Variants in WDPCP observed in about 807,000 individuals in gnomAD.
WDPCP encodes the protein WD repeat-containing and planar cell polarity effector protein fritz homolog.
Under a neutral mutation model 93.1 loss-of-function variants are expected in WDPCP, and 71 were observed. The observed-to-expected ratio is 0.76, with a 90% CI of 0.63 to 0.93. WDPCP has a LOEUF of 0.93. WDPCP is among the 40% of genes least tolerant of loss of function. WDPCP has a pLI of 0.00. For synonymous variants in WDPCP, 315 were observed against 315.0 expected, an observed-to-expected ratio of 1.00 and a Z score of 0.00; for missense variants, 844 against 887.4, an observed-to-expected ratio of 0.95 and a Z score of 0.62.
Position 63,119,696 on chromosome 2 carries a change from C to A in WDPCP, c.*2310G>T, listed in dbSNP as rs1348513181. On this transcript the variant is annotated 3_prime_UTR_variant, in exon 18 of 18. Transcript: ENST00000272321. ...TCATGGGTCTATTCCTAAAGGACAA[C>A]CTGTGAACCTGTCAGTGCTAGGACA... 6.6e-6 allele frequency among the ~76,000 whole-genome samples: 1 copy of A among 152,158 alleles called. No homozygotes were observed. The highest frequency in any genetic ancestry group is 1.9e-4 in the East Asian group (1 of 5,190).
chr2:63,154,035 G>A (rs968214725), intron 15 of WDPCP, among the ~76,000 whole-genome samples: 1 of 151,628 alleles, frequency 6.6e-6, no homozygotes. Flanking sequence ...ATCCAGAGTT[G>A]TTCTCTGGAT....
At chr2:63,664,067 G>A (rs983110920) in intron 2 of WDPCP, among the ~76,000 whole-genome samples, 1 of 152,130 alleles carries the variant, frequency 6.6e-6, no homozygotes, top group Non-Finnish European at 1.5e-5. Flanking sequence ...TTAGGCACAT[G>A]TTTGTCTCAA....
chr2:63,457,060 AG>A (rs1050810887), intron 6 of WDPCP, among the ~76,000 whole-genome samples: 1 of 152,230 alleles, frequency 6.6e-6, no homozygotes, highest in African/African-American at 2.4e-5. Flanking sequence ...TTCTTCAAAA[AG>A]ACAAACAAAA....
intron 2 of WDPCP, among the ~76,000 whole-genome samples, chr2:63,489,980 T>C (rs900608661): frequency 6.6e-6 from 1 of 151,916 alleles, no homozygotes; most frequent in Non-Finnish European, 1.5e-5. Flanking sequence ...CACCACCTGA[T>C]AGGATGCATT....
At chr2:63,734,430 C>T (rs1669610528) in intron 2 of WDPCP, among the ~76,000 whole-genome samples, 1 of 147,050 alleles carries the variant, frequency 6.8e-6, no homozygotes, top group Admixed American at 6.7e-5. Flanking sequence ...GACCAGTTAT[C>T]TACATCTAAC....
In WDPCP at chr2:63,186,674, A is replaced by G. The variant is rs553614045; in HGVS notation, c.1916-11842T>C. On this transcript the variant is annotated intron_variant, in intron 14 of 17. Coordinates refer to ENST00000272321, the MANE Select transcript of WDPCP (RefSeq NM_015910.7). ...AATTTGCTCCTCTACCATATCGGGG[A>G]CTTCACTCACAGTTCTCAGCCAGAT... is the stretch of plus-strand genomic sequence containing the variant. Among the ~76,000 whole-genome samples, 26 of 152,302 alleles carry G rather than the reference A, an allele frequency of 1.7e-4. No individual in the cohort carries two copies. The South Asian group carries it at 5.4e-3, about 32-fold the overall frequency.
intron 12 of WDPCP, among the ~76,000 whole-genome samples, chr2:63,340,841 G>T (rs898335820): frequency 6.6e-6 from 1 of 152,020 alleles, no homozygotes; most frequent in Non-Finnish European, 1.5e-5. Flanking sequence ...AAGGCAGCTT[G>T]CATTTACACT....
chr2:63,476,967 G>T (rs1292664259), intron 6 of WDPCP, among the ~76,000 whole-genome samples: 2 of 152,158 alleles, frequency 1.3e-5, no homozygotes, highest in African/African-American at 4.8e-5. Context: ...GACCTTTTAT[G>T]ATTGTGCCTG....
intron 2 of WDPCP, among the ~76,000 whole-genome samples, chr2:63,806,507 T>C (rs1444868845): frequency 6.6e-6 from 1 of 152,206 alleles, no homozygotes. Flanking sequence ...ACCATTGTCA[T>C]TGATAACATC....
At chr2:63,531,642 A>G (rs1703858053) in intron 1 of WDPCP, among the ~76,000 whole-genome samples, 1 of 152,332 alleles carries the variant, frequency 6.6e-6, no homozygotes, top group Non-Finnish European at 1.5e-5. Context: ...TTAGAAGGAA[A>G]ACTAGCAAGC....
intron 2 of WDPCP, among the ~76,000 whole-genome samples, chr2:63,715,408 T>C (rs910140600): frequency 8.5e-5 from 13 of 152,224 alleles, no homozygotes; most frequent in African/African-American, 2.9e-4. Context: ...CTATAAGCCA[T>C]AGGTAGAGAA....
chr2:63,267,029 A>G (rs75600738), intron 13 of WDPCP, among the ~76,000 whole-genome samples: 20 of 152,268 alleles, frequency 1.3e-4, no homozygotes, highest in Non-Finnish European at 2.9e-4. Context: ...AGAGCCAACA[A>G]TCTTGCACAA....
chr2:63,689,352 G>C (rs1238578614), intron 2 of WDPCP, among the ~76,000 whole-genome samples: 2 of 152,150 alleles, frequency 1.3e-5, no homozygotes, highest in African/African-American at 4.8e-5. Flanking sequence ...CTTCAGAAAA[G>C]AAACTAAGCA....
chr2:63,297,993 T>C (rs902272927), intron 13 of WDPCP, among the ~76,000 whole-genome samples: 10 of 152,274 alleles, frequency 6.6e-5, no homozygotes, highest in African/African-American at 1.2e-4. Flanking sequence ...TTGTTGCCAC[T>C]TGGGGAGAAA....
intron 9 of WDPCP, among the ~76,000 whole-genome samples, chr2:63,426,557 CAT>C (rs1696313692): frequency 6.6e-6 from 1 of 152,116 alleles, no homozygotes; most frequent in South Asian, 2.1e-4. Context: ...GAGTGCTAAA[CAT>C]AGAAACAAAA....
intron 12 of WDPCP, among the ~76,000 whole-genome samples, chr2:63,372,921 T>G (rs1191549185): frequency 6.6e-6 from 1 of 152,098 alleles, no homozygotes; most frequent in Non-Finnish European, 1.5e-5. Flanking sequence ...GTTGGGAGTT[T>G]GAGACCAGCC....
chr2:63,395,463 C>G (rs1693638060), intron 10 of WDPCP, among the ~76,000 whole-genome samples: 1 of 152,112 alleles, frequency 6.6e-6, no homozygotes, highest in East Asian at 1.9e-4. Flanking sequence ...TAGCTCCCAC[C>G]TATAAATGAG....
chr2:63,244,306 G>A (rs985774562), intron 14 of WDPCP, among the ~76,000 whole-genome samples: 2 of 151,882 alleles, frequency 1.3e-5, no homozygotes, highest in Admixed American at 1.3e-4. Flanking sequence ...CACACATAGA[G>A]GAACAACAAC....
chr2:63,696,328 G>C (rs1668960440), intron 2 of WDPCP, among the ~76,000 whole-genome samples: 1 of 152,146 alleles, frequency 6.6e-6, no homozygotes, highest in Non-Finnish European at 1.5e-5. Context: ...TCTTGGCAGT[G>C]TTGGTCTGCA....
Sources: gnomAD v4.1 joint callset for allele counts (sites outside exome capture counted in the v4.1 genomes callset) on GRCh38, gnomAD v4.1.1 for gene constraint, MANE v1.5 for transcripts, NCBI Gene and HGNC (gene_info 2026-07-23, HGNC 2026-07-21) for gene names.